Variants in PBX1 observed in about 807,000 individuals in gnomAD.
The protein encoded by PBX1 is pre-B-cell leukemia transcription factor 1.
A neutral mutation model predicts 53.4 loss-of-function variants in PBX1; 6 were observed. The observed-to-expected ratio is 0.11, with a 90% CI of 0.06 to 0.22. The LOEUF (loss-of-function observed/expected upper bound fraction) is 0.22. Among genes scored for constraint, PBX1 ranks in the 10% least tolerant of loss-of-function variants. PBX1 has a pLI of 1.00. For missense variants in PBX1, 251 were observed against 551.4 expected, an observed-to-expected ratio of 0.46 and a Z score of 5.46; for synonymous variants, 204 against 212.3, an observed-to-expected ratio of 0.96 and a Z score of 0.34.
chr1:164,624,461 AG>A (rs1293809150), intron 2 of PBX1, among the ~76,000 whole-genome samples: 11 of 152,218 alleles, frequency 7.2e-5, no homozygotes, highest in Admixed American at 6.5e-4. Flanking sequence ...AATTGGTTAG[AG>A]GCATGCATTC....
At chr1:164,871,000 T>C (rs905788982) in intron 2 of PBX1, among the ~76,000 whole-genome samples, 3 of 152,136 alleles carry the variant, frequency 2.0e-5, no homozygotes, top group Admixed American at 2.0e-4. Flanking sequence ...TAAAACACTC[T>C]AGTTTTATAA....
chr1:164,563,468 T>G (rs1653206596), intron 2 of PBX1, among the ~76,000 whole-genome samples, 157 bp downstream of exon 2: 1 of 152,090 alleles, frequency 6.6e-6, no homozygotes, highest in African/African-American at 2.4e-5. Flanking sequence ...CCTGCTTTCC[T>G]TAAAAAAAAG....
chr1:164,810,145 C>T (rs1669536847), intron 5 of PBX1, among the ~76,000 whole-genome samples: 1 of 152,166 alleles, frequency 6.6e-6, no homozygotes, highest in Non-Finnish European at 1.5e-5. Flanking sequence ...TTCATCATGG[C>T]TCTGCCCAGA....
chr1:164,609,147 TC>T (rs1265786114), intron 2 of PBX1, among the ~76,000 whole-genome samples: 1 of 152,046 alleles, frequency 6.6e-6, no homozygotes, highest in East Asian at 1.9e-4. Context: ...GCCTCTTTGT[TC>T]TTTTCTTTTC....
downstream of PBX1, among the ~76,000 whole-genome samples, chr1:164,852,372 G>C (rs1250252847): frequency 6.6e-6 from 1 of 152,198 alleles, no homozygotes; most frequent in Non-Finnish European, 1.5e-5. Context: ...TCCCAAAGGA[G>C]CATCTCTTCC....
chr1:164,673,207 G>T (rs977953299), intron 2 of PBX1, among the ~76,000 whole-genome samples: 2 of 151,882 alleles, frequency 1.3e-5, no homozygotes, highest in South Asian at 4.2e-4. Flanking sequence ...TTATATTAAG[G>T]TTGAAAAAAA....
rs1671845598 is a variant in PBX1 at position 164,851,635 on chromosome 1, C to G, written c.*4959C>G. 5.4e-6 allele frequency: 1 copy of G among 185,024 alleles called. No homozygotes were observed. The highest frequency in any genetic ancestry group is 1.1e-5 in the Non-Finnish European group (1 of 87,378). The allele number at this position is 185,024 out of a possible 1,614,324, so 11.5% of individuals were successfully genotyped here. ...TCTTATTATTCAGAATATAAACCTGCAAAGCTCTGCTCTGTTTTGGTTTTG... is the reference window on the plus strand; with the variant it reads ...TCTTATTATTCAGAATATAAACCTGGAAAGCTCTGCTCTGTTTTGGTTTTG... On this transcript the variant is annotated 3_prime_UTR_variant, in exon 9 of 9. Coordinates refer to ENST00000420696, the MANE Select transcript of PBX1 (RefSeq NM_002585.4).
rs1261986648 is a variant in PBX1 at position 164,747,296 on chromosome 1, G to A, written c.266-45198G>A. 3.3e-5 allele frequency among the ~76,000 whole-genome samples: 5 copies of A among 151,560 alleles called. No individual in the cohort carries two copies. The East Asian group carries it at 9.7e-4, about 29-fold the overall frequency. ...TAACTCTCCTACTTATGTAAATTTA[G>A]CATCTGTATATGTATGAATCATGTA... On this transcript the variant is annotated intron_variant, in intron 2 of 8. Transcript: ENST00000420696.
chr1:164,823,346 C>T (rs918248350), intron 8 of PBX1, among the ~76,000 whole-genome samples: 5 of 152,076 alleles, frequency 3.3e-5, no homozygotes, highest in African/African-American at 1.2e-4. Flanking sequence ...TGTCTGAGTG[C>T]AGGTTTATAC....
chr1:164,638,176 A>G (rs1658899002), intron 2 of PBX1, among the ~76,000 whole-genome samples: 1 of 152,246 alleles, frequency 6.6e-6, no homozygotes, highest in Non-Finnish European at 1.5e-5. Context: ...GAGAATGGAC[A>G]TAATCATGCT....
chr1:164,604,767 T>C (rs1365038630), intron 2 of PBX1, among the ~76,000 whole-genome samples: 1 of 152,184 alleles, frequency 6.6e-6, no homozygotes, highest in Non-Finnish European at 1.5e-5. Context: ...GGTGTAGAAC[T>C]GAGTCATTCT....
rs945202087 is a variant in PBX1 at position 164,832,682 on chromosome 1, G to A, written c.1200+11056G>A. Among the ~76,000 whole-genome samples the A allele has an allele frequency of 3.3e-5, 5 of 151,946 alleles. No individual in the cohort carries two copies. In the East Asian group the frequency reaches 9.6e-4, roughly 29 times the overall value. On this transcript the variant is annotated intron_variant, in intron 8 of 8. Transcript: ENST00000420696. ...AAATATAATTTAAAAAATTAGAATA[G>A]CAAGGAACTAAGAAAAAGAAAAGTA... is the stretch of plus-strand genomic sequence containing the variant.
intron 2 of PBX1, among the ~76,000 whole-genome samples, chr1:164,707,038 G>A (rs1298696578): frequency 6.6e-6 from 1 of 152,170 alleles, no homozygotes; most frequent in African/African-American, 2.4e-5. Flanking sequence ...TGAGTTGAAA[G>A]GGACTGTGGG....
intron 2 of PBX1, among the ~76,000 whole-genome samples, chr1:164,736,379 G>A (rs899255436): frequency 2.6e-5 from 4 of 152,100 alleles, no homozygotes; most frequent in African/African-American, 4.8e-5. Context: ...CAGCTAATGC[G>A]ACGGCTGTCA....
intron 2 of PBX1, among the ~76,000 whole-genome samples, chr1:164,711,501 G>A (rs931628651): frequency 6.6e-6 from 1 of 152,174 alleles, no homozygotes; most frequent in Non-Finnish European, 1.5e-5. Flanking sequence ...CTGACCTCGT[G>A]ATCCACATGC....
rs1662045790 is a variant in PBX1 at position 164,685,520 on chromosome 1, C to G, written c.266-106974C>G. ...CCAGATTTCTGCTCCACTCGGTCCC[C>G]CTTCCCACCTCTTACAGCCATGAAA... On this transcript the variant is annotated intron_variant, in intron 2 of 8. Transcript: ENST00000420696. 2.0e-5 allele frequency among the ~76,000 whole-genome samples: 3 copies of G among 152,302 alleles called. No individual in the cohort carries two copies. The South Asian group carries it at 6.2e-4, about 32-fold the overall frequency.
At chr1:164,639,997 G>T (rs554541938) in intron 2 of PBX1, among the ~76,000 whole-genome samples, 2 of 152,104 alleles carry the variant, frequency 1.3e-5, no homozygotes, top group Non-Finnish European at 2.9e-5. Context: ...AAATCCTATG[G>T]CCTGATGGTA....
intron 2 of PBX1, among the ~76,000 whole-genome samples, chr1:164,880,449 G>A (rs1023110633): frequency 2.0e-5 from 3 of 152,230 alleles, no homozygotes; most frequent in African/African-American, 7.2e-5. Flanking sequence ...TGGTAGCTGA[G>A]ACACCAAGGT....
intron 2 of PBX1, chr1:164,590,398 G>A (rs1655287783): frequency 2.2e-6 from 1 of 455,818 alleles, no homozygotes; most frequent in Admixed American, 2.4e-5. Context: ...TGCACTGCTT[G>A]CTTCTTCCCA....
Sources: gnomAD v4.1 joint callset for allele counts (sites outside exome capture counted in the v4.1 genomes callset) on GRCh38, gnomAD v4.1.1 for gene constraint, MANE v1.5 for transcripts, NCBI Gene and HGNC (gene_info 2026-07-23, HGNC 2026-07-21) for gene names.